Variants in PSEN1 observed in about 807,000 individuals in gnomAD.
The protein encoded by PSEN1 is presenilin-1.
PSEN1 carries 15 observed loss-of-function variants against 53.5 expected under a neutral mutation model. The ratio of observed to expected loss-of-function variants is 0.28; its 90% CI spans 0.19 to 0.43. The LOEUF is 0.43. Ranked by LOEUF, PSEN1 falls within the 20% of genes least tolerant of loss-of-function variation. The pLI, the probability that PSEN1 is intolerant of heterozygous loss-of-function variation, is 1.00. For missense variants in PSEN1, 387 were observed against 571.2 expected (o/e 0.68, Z 3.29); for synonymous variants, 208 against 209.8 (o/e 0.99, Z 0.08).
chr14:73,141,863 C>T (rs904623324), intron 1 of PSEN1, among the ~76,000 whole-genome samples: 2 of 151,934 alleles, frequency 1.3e-5, no homozygotes, highest in South Asian at 2.1e-4. Flanking sequence ...GTCAGGAGAT[C>T]GAGACCATCC....
intron 1 of PSEN1, among the ~76,000 whole-genome samples, chr14:73,146,803 A>G (rs1482831334): frequency 6.6e-6 from 1 of 152,184 alleles, no homozygotes; most frequent in Non-Finnish European, 1.5e-5. Context: ...TGTATATGGT[A>G]ATGTATTAAT....
chr14:73,143,316 T>C (rs752515599), intron 1 of PSEN1, among the ~76,000 whole-genome samples: 5 of 152,308 alleles, frequency 3.3e-5, no homozygotes, highest in Admixed American at 6.5e-5. Context: ...CCTTGTAGCA[T>C]TGTGATCTTT....
At chr14:73,180,472 C>T (rs1898177231) in intron 5 of PSEN1, among the ~76,000 whole-genome samples, 1 of 152,200 alleles carries the variant, frequency 6.6e-6, no homozygotes, top group African/African-American at 2.4e-5. Context: ...GATTGAGTAA[C>T]TTGCCAGAGC....
chr14:73,218,694 A>C (rs1290790046), intron 11 of PSEN1, among the ~76,000 whole-genome samples: 3 of 150,230 alleles, frequency 2.0e-5, no homozygotes, highest in Non-Finnish European at 4.4e-5. Context: ...CCCGCACAGC[A>C]TAGAGAAGCC....
intron 3 of PSEN1, among the ~76,000 whole-genome samples, chr14:73,169,735 A>T (rs9743635): frequency 0.12 from 18,055 of 149,354 alleles, 1,314 homozygotes; most frequent in African/African-American, 0.22. Flanking sequence ...AGCCTCCACC[A>T]CCCAGGTTCA....
At chr14:73,202,463 T>TA (rs1491391826) in intron 8 of PSEN1, among the ~76,000 whole-genome samples, 38 of 10,242 alleles carry the variant, frequency 3.7e-3, no homozygotes, top group East Asian at 8.6e-3. Context: ...TATATATATA[T>TA]TTTTTTTTTT....
chr14:73,190,820 A>G (rs893542636), intron 6 of PSEN1, among the ~76,000 whole-genome samples: 8 of 152,228 alleles, frequency 5.3e-5, no homozygotes, highest in Admixed American at 1.3e-4. Context: ...TATCTTATTC[A>G]TGTGTTACCT....
intron 4 of PSEN1, among the ~76,000 whole-genome samples, chr14:73,173,316 G>A (rs1270588374): frequency 1.3e-5 from 2 of 152,196 alleles, no homozygotes; most frequent in African/African-American, 4.8e-5. Context: ...GCACCCACTA[G>A]ATGGAGCCAG....
intron 1 of PSEN1, among the ~76,000 whole-genome samples, chr14:73,137,622 A>T (rs543285205): frequency 2.0e-5 from 3 of 152,304 alleles, no homozygotes; most frequent in African/African-American, 7.2e-5. Context: ...AAGAGCAAGG[A>T]GCCAGCTGAG....
chr14:73,188,798 G>A (rs1332617275), intron 6 of PSEN1, among the ~76,000 whole-genome samples: 1 of 152,000 alleles, frequency 6.6e-6, no homozygotes, highest in Non-Finnish European at 1.5e-5. Flanking sequence ...TTTTTGTTTT[G>A]TTTTTTCTGA....
chr14:73,151,005 T>C (rs908638271), intron 3 of PSEN1, among the ~76,000 whole-genome samples: 1 of 151,798 alleles, frequency 6.6e-6, no homozygotes, highest in African/African-American at 2.4e-5. Context: ...GAGGCGGAGC[T>C]TGCAGTGAGC....
chr14:73,167,189 A>C (rs1897744202), intron 3 of PSEN1, among the ~76,000 whole-genome samples: 1 of 152,188 alleles, frequency 6.6e-6, no homozygotes, highest in African/African-American at 2.4e-5. Flanking sequence ...ACAGAACGGC[A>C]AGAGAGAGCT....
intron 5 of PSEN1, among the ~76,000 whole-genome samples, chr14:73,182,677 C>G (rs1028722111): frequency 2.6e-5 from 4 of 151,918 alleles, no homozygotes; most frequent in African/African-American, 9.7e-5. Context: ...AACTTCATCT[C>G]TAATACAAAA....
intron 3 of PSEN1, among the ~76,000 whole-genome samples, chr14:73,160,987 T>TC (rs1737452195): frequency 6.6e-6 from 1 of 150,674 alleles, no homozygotes; most frequent in Non-Finnish European, 1.5e-5. Context: ...TTTTTTTTTT[T>TC]TCGATACAAG....
At chr14:73,213,851 G>A (rs1899800743) in intron 10 of PSEN1, among the ~76,000 whole-genome samples, 1 of 152,180 alleles carries the variant, frequency 6.6e-6, no homozygotes, top group Non-Finnish European at 1.5e-5. Context: ...AACAGGTGTT[G>A]GTGAGGATGC....
chr14:73,137,521 G>C (rs1374818742), intron 1 of PSEN1, among the ~76,000 whole-genome samples: 1 of 152,182 alleles, frequency 6.6e-6, no homozygotes, highest in African/African-American at 2.4e-5. Context: ...ATTTCCAGTT[G>C]ATGTTGGAGC....
At chr14:73,206,278 G>T in intron 8 of PSEN1, 108 bp from the exon 9 acceptor site, 2 of 791,668 alleles carry the variant, frequency 2.5e-6, no homozygotes, top group East Asian at 2.6e-5. Context: ...ACAGTCTTAA[G>T]GCAGCATTAG....
chr14:73,170,855 C>T lies in PSEN1; in HGVS notation c.146C>T (p.Pro49Leu). Residue 49 changes from proline (P) to leucine (L), a missense_variant, in exon 4 of 12, where the codon CCA becomes CTA. Coordinates refer to ENST00000324501, the MANE Select transcript of PSEN1 (RefSeq NM_000021.4). Reference protein sequence around the residue: ...NDRRSLGHPEPLSNGRPQGNS... With the variant: ...NDRRSLGHPELLSNGRPQGNS... ...AGACGGAGCCTTGGCCACCCTGAGCCATTATCTAATGGACGACCCCAGGGT... is the reference window on the plus strand; with the variant it reads ...AGACGGAGCCTTGGCCACCCTGAGCTATTATCTAATGGACGACCCCAGGGT... 2 of 1,614,156 alleles carry T rather than the reference C, an allele frequency of 1.2e-6. No individual in the cohort carries two copies. The highest frequency in any genetic ancestry group is 1.7e-6 in the Non-Finnish European group (2 of 1,180,028).
chr14:73,172,672 C>T (rs969290537), intron 4 of PSEN1, among the ~76,000 whole-genome samples: 5 of 152,206 alleles, frequency 3.3e-5, no homozygotes, highest in Non-Finnish European at 7.3e-5. Context: ...TGGCTTTTTA[C>T]AGAGATGTTT....
Sources: allele counts gnomAD v4.1 joint callset (sites outside exome capture counted in the v4.1 genomes callset), GRCh38; gene constraint gnomAD v4.1.1; transcripts MANE v1.5; gene names NCBI Gene and HGNC (gene_info 2026-07-23, HGNC 2026-07-21).